The following PTPN12 variants were observed in gnomAD, a reference collection of about 807,000 sequenced individuals.
PTPN12 encodes protein tyrosine phosphatase non-receptor type 12, also known as tyrosine-protein phosphatase non-receptor type 12.
PTPN12 carries 29 observed loss-of-function variants against 97.6 expected under a neutral mutation model. That is an observed-to-expected ratio of 0.30 (90% CI 0.22 to 0.41). The LOEUF is 0.41. PTPN12 is among the 10% of genes least tolerant of loss of function. The pLI is 1.00. For synonymous variants in PTPN12, 327 were observed against 300.4 expected (o/e 1.09, Z -0.91); for missense variants, 819 against 926.0 (o/e 0.88, Z 1.50).
chr7:77,562,044 C>T (rs551370626), intron 1 of PTPN12, among the ~76,000 whole-genome samples: 1 of 150,046 alleles, frequency 6.7e-6, no homozygotes, highest in Admixed American at 6.7e-5. Flanking sequence ...CCCGCCTCGG[C>T]CTACCAAAGT....
intron 1 of PTPN12, chr7:77,537,989 GC>G: frequency 1.0e-6 from 1 of 962,368 alleles, no homozygotes; most frequent in Non-Finnish European, 1.3e-6. Context: ...GGGGGGGGGG[GC>G]TCGCGTTTCC....
At chr7:77,624,794 C>A (rs1427855812) in intron 12 of PTPN12, among the ~76,000 whole-genome samples, 1 of 152,018 alleles carries the variant, frequency 6.6e-6, no homozygotes, top group South Asian at 2.1e-4. Context: ...TGCCAGTTAT[C>A]TGGTTGGATA....
chr7:77,576,272 A>G (rs1376950502), intron 2 of PTPN12, among the ~76,000 whole-genome samples: 4 of 152,234 alleles, frequency 2.6e-5, no homozygotes, highest in African/African-American at 7.2e-5. Flanking sequence ...TAATGCTGCT[A>G]TGAACATGTC....
At chr7:77,571,818 C>T (rs1787153311) in intron 2 of PTPN12, among the ~76,000 whole-genome samples, 1 of 151,982 alleles carries the variant, frequency 6.6e-6, no homozygotes, top group Admixed American at 6.6e-5. Context: ...TCAGCCTCCC[C>T]AAGTGTTGTG....
chr7:77,576,542 C>G (rs1303374954), intron 2 of PTPN12, among the ~76,000 whole-genome samples: 1 of 151,994 alleles, frequency 6.6e-6, no homozygotes, highest in African/African-American at 2.4e-5. Flanking sequence ...ACTAAAAATA[C>G]AAAAATTAGC....
At chr7:77,623,933 C>G (rs572676998) in intron 12 of PTPN12, among the ~76,000 whole-genome samples, 1 of 151,772 alleles carries the variant, frequency 6.6e-6, no homozygotes, top group South Asian at 2.1e-4. Flanking sequence ...TGTTTTAGAT[C>G]GCAAAAATTT....
chr7:77,583,424 G>A (rs1048477188), intron 3 of PTPN12, 131 bp from the exon 4 acceptor site: 1 of 623,432 alleles, frequency 1.6e-6, no homozygotes, highest in South Asian at 2.1e-5. Context: ...TACTATGAAA[G>A]ACACATTATT....
In PTPN12 at chr7:77,564,761, T is replaced by TTTTTG. The variant is rs1562715198; in HGVS notation, c.100-6313_100-6312insGTTTT. On this transcript the variant is annotated intron_variant, in intron 1 of 17. Coordinates refer to ENST00000248594, the MANE Select transcript of PTPN12 (RefSeq NM_002835.4). ...TTGTTGTCGTGTTTTTTTTTTTTTT[T>TTTTTG]TTTTTTTTTTTTTTTGAGACGGAAT... is the stretch of plus-strand genomic sequence containing the variant. 2.1e-3 allele frequency among the ~76,000 whole-genome samples: 221 copies of TTTTTG among 103,076 alleles called. 5 individuals are homozygous for TTTTTG. The highest frequency in any genetic ancestry group is 9.4e-3 in the Middle Eastern group (2 of 212). The allele number at this position is 103,076 out of a possible 152,430, so 67.6% of individuals were successfully genotyped here. A position where few individuals can be genotyped will look rare whatever the true frequency, so the allele number is the denominator to read the frequency against.
chr7:77,538,279 C>G (rs140157119), intron 1 of PTPN12, among the ~76,000 whole-genome samples: 1 of 152,318 alleles, frequency 6.6e-6, no homozygotes, highest in Non-Finnish European at 1.5e-5. Flanking sequence ...CGCTTCTCCT[C>G]TCCTGAGGCC....
chr7:77,571,692 ATATTTTATT>A (rs934979087), intron 2 of PTPN12, among the ~76,000 whole-genome samples: 3 of 135,168 alleles, frequency 2.2e-5, no homozygotes, highest in East Asian at 2.3e-4. Context: ...CATTCTAATG[ATATTTTATT>A]TATTTATTTA....
chr7:77,610,993 A>G lies in PTPN12; in HGVS notation c.886A>G (p.Lys296Glu). The G allele has an allele frequency of 6.2e-7, 1 of 1,613,500 alleles. No homozygotes were observed. The highest frequency in any genetic ancestry group is 8.5e-7 in the Non-Finnish European group (1 of 1,179,710). The stretch of plus-strand genomic sequence containing the variant: ...TAGAGCTATTGCCCAACTGTTTGAA[A>G]AACAGCTACAACTATATGAAATTCA... ...VHRAIAQLFEKQLQLYEIHGA... is the reference protein window; with the variant it reads ...VHRAIAQLFEEQLQLYEIHGA... The change falls in exon 11 of 18, where the codon AAA becomes GAA. Residue 296 changes from lysine to glutamate, a missense_variant. Coordinates refer to ENST00000248594, the MANE Select transcript of PTPN12 (RefSeq NM_002835.4).
At chr7:77,601,253 C>T (rs142387440) in intron 8 of PTPN12, among the ~76,000 whole-genome samples, 1,552 of 152,242 alleles carry the variant, frequency 0.01, 34 homozygotes, top group African/African-American at 0.036. Flanking sequence ...TGCAGTGGCA[C>T]AATCATAGCT....
At position 77,627,214 on chromosome 7, in the gene PTPN12, A is replaced by C. The variant is rs1789225317; in HGVS notation, c.1535A>C (p.Glu512Ala). 1 of 1,614,010 alleles carries C rather than the reference A, an allele frequency of 6.2e-7. No homozygotes were observed. Among genetic ancestry groups the C allele is most frequent in the African/African-American group, 1.3e-5 (1 of 74,916 alleles). The part of the protein sequence containing the change: ...QSNKVSVTPP[E>A]ESQNSDTPPR... ...AACAAAGTTTCAGTTACTCCACCAG[A>C]AGAATCCCAGAATTCAGACACACCT... Residue 512 changes from glutamate to alanine, a missense_variant, in exon 13 of 18, where the codon GAA (glutamate) becomes GCA (alanine). Coordinates refer to ENST00000248594, the MANE Select transcript of PTPN12 (RefSeq NM_002835.4).
At chr7:77,604,480 C>T (rs927874636) in intron 8 of PTPN12, among the ~76,000 whole-genome samples, 1 of 152,042 alleles carries the variant, frequency 6.6e-6, no homozygotes, top group African/African-American at 2.4e-5. Context: ...TCCCAAAGTG[C>T]TGGGATTACA....
At chr7:77,591,941 A>T (rs1050120107) in intron 5 of PTPN12, among the ~76,000 whole-genome samples, 1 of 152,182 alleles carries the variant, frequency 6.6e-6, no homozygotes, top group Admixed American at 6.5e-5. Flanking sequence ...GACCTGGCAG[A>T]TAGCAATGAA....
chr7:77,606,421 A>G (rs1788375095), intron 8 of PTPN12, among the ~76,000 whole-genome samples: 1 of 152,038 alleles, frequency 6.6e-6, no homozygotes. Flanking sequence ...TTTTGAGATG[A>G]AGTCACACTC....
intron 2 of PTPN12, among the ~76,000 whole-genome samples, chr7:77,577,108 A>G (rs569902164): frequency 3.3e-5 from 5 of 152,300 alleles, no homozygotes; most frequent in East Asian, 3.9e-4. Context: ...TCTTTGCTCT[A>G]TGGTCAAGTG....
chr7:77,602,211 T>A (rs937878677), intron 8 of PTPN12, among the ~76,000 whole-genome samples: 1 of 152,126 alleles, frequency 6.6e-6, no homozygotes, highest in African/African-American at 2.4e-5. Context: ...TATAATATAT[T>A]TTAGCTAAGA....
At position 77,540,771 on chromosome 7, in the gene PTPN12, G is replaced by A. The variant is rs540954815; in HGVS notation, c.99+3126G>A. On this transcript the variant is annotated intron_variant, in intron 1 of 17. Coordinates refer to ENST00000248594, the MANE Select transcript of PTPN12 (RefSeq NM_002835.4). ...GAACTATGTTCTCCTGGCATGGAAA[G>A]AGAAAAAAAAGATTAGCTTATAGAT... is the stretch of plus-strand genomic sequence containing the variant. Among the ~76,000 whole-genome samples, 62 of 151,560 alleles carry A rather than the reference G, an allele frequency of 4.1e-4. 1 individual carries two copies. Among genetic ancestry groups the A allele is most frequent in the African/African-American group, 1.4e-3 (59 of 41,364 alleles).
Sources: allele counts gnomAD v4.1 joint callset (sites outside exome capture counted in the v4.1 genomes callset), GRCh38; gene constraint gnomAD v4.1.1; transcripts MANE v1.5; gene names NCBI Gene and HGNC (gene_info 2026-07-23, HGNC 2026-07-21).